ZSWIM6: variants seen among roughly 807,000 people sequenced by gnomAD.
ZSWIM6 encodes the protein zinc finger SWIM-type containing 6, also known as zinc finger SWIM domain-containing protein 6.
Under a neutral mutation model 113.2 loss-of-function variants are expected in ZSWIM6, and 9 were observed. That is an observed-to-expected ratio of 0.08 (90% CI 0.05 to 0.14). The LOEUF is 0.14. Ranked by LOEUF, ZSWIM6 falls within the 10% of genes least tolerant of loss-of-function variation. The pLI, the probability that ZSWIM6 is intolerant of heterozygous loss-of-function variation, is 1.00. For synonymous variants in ZSWIM6, 611 were observed against 606.5 expected, an observed-to-expected ratio of 1.01 and a Z score of -0.11; for missense variants, 1,162 against 1,552.2, an observed-to-expected ratio of 0.75 and a Z score of 4.22.
rs1026209659 is a variant in ZSWIM6 at position 61,546,118 on chromosome 5, CTTG to C, written c.*1804_*1806del. 44 of 152,236 alleles carry C rather than the reference CTTG, an allele frequency of 2.9e-4. No individual in the cohort carries two copies. The highest frequency in any genetic ancestry group is 9.9e-4 in the African/African-American group (41 of 41,554). The allele number at this position is 152,236 out of a possible 1,614,324, so 9.4% of individuals were successfully genotyped here. ...TGTAACTAAATCACTGTTTTATAAA[CTTG>C]TTAATGATCAACAATTTTTGTTTTG... On this transcript the variant is annotated 3_prime_UTR_variant, in exon 14 of 14. Transcript: ENST00000252744.
chr5:61,334,409 C>T (rs966309605), intron 1 of ZSWIM6, among the ~76,000 whole-genome samples: 1 of 152,156 alleles, frequency 6.6e-6, no homozygotes, highest in Admixed American at 6.5e-5. Flanking sequence ...AACCCGGCAC[C>T]GAATGAATGG....
intron 1 of ZSWIM6, among the ~76,000 whole-genome samples, chr5:61,343,053 A>G (rs4484384): frequency 0.22 from 33,633 of 152,122 alleles, 3,968 homozygotes; most frequent in South Asian, 0.31. Flanking sequence ...GGTTTTCAAA[A>G]TATATTTGAG....
chr5:61,336,079 A>C (rs1744386239), intron 1 of ZSWIM6, among the ~76,000 whole-genome samples: 1 of 152,100 alleles, frequency 6.6e-6, no homozygotes, highest in Non-Finnish European at 1.5e-5. Context: ...ACTGGGCAAC[A>C]TGGTTAAACC....
chr5:61,357,516 A>G (rs1399746010), intron 1 of ZSWIM6, among the ~76,000 whole-genome samples: 1 of 151,326 alleles, frequency 6.6e-6, no homozygotes, highest in Admixed American at 6.6e-5. Context: ...CTTCCTTCTC[A>G]CCTTCCAGTT....
intron 1 of ZSWIM6, among the ~76,000 whole-genome samples, chr5:61,386,133 C>G (rs78355988): frequency 5.3e-5 from 8 of 152,362 alleles, no homozygotes; most frequent in African/African-American, 1.9e-4. Context: ...AAAAAGCTCT[C>G]CTGCATACAT....
At chr5:61,471,712 T>C (rs1747576502) in intron 1 of ZSWIM6, among the ~76,000 whole-genome samples, 1 of 152,218 alleles carries the variant, frequency 6.6e-6, no homozygotes, top group Non-Finnish European at 1.5e-5. Context: ...GAGAATCTAA[T>C]GCCTGATGAT....
chr5:61,467,942 A>G (rs1747473709), intron 1 of ZSWIM6, among the ~76,000 whole-genome samples: 1 of 152,188 alleles, frequency 6.6e-6, no homozygotes, highest in African/African-American at 2.4e-5. Context: ...AGATTCCAGT[A>G]GCTTAGAAAA....
chr5:61,432,190 C>T (rs940443141), intron 1 of ZSWIM6, among the ~76,000 whole-genome samples: 14 of 152,148 alleles, frequency 9.2e-5, no homozygotes, highest in Admixed American at 9.2e-4. Flanking sequence ...ATTTTGCTTC[C>T]CTCTTCTCTA....
chr5:61,371,047 T>C (rs1745252416), intron 1 of ZSWIM6, among the ~76,000 whole-genome samples: 1 of 152,198 alleles, frequency 6.6e-6, no homozygotes, highest in Non-Finnish European at 1.5e-5. Flanking sequence ...AACTGTCAGG[T>C]CTGCACCTGG....
intron 1 of ZSWIM6, among the ~76,000 whole-genome samples, chr5:61,348,757 T>C (rs1195446333): frequency 6.6e-6 from 1 of 152,232 alleles, no homozygotes; most frequent in Non-Finnish European, 1.5e-5. Flanking sequence ...TTCTATGTCT[T>C]AGATTCATAC....
intron 1 of ZSWIM6, 61 bp downstream of exon 1, chr5:61,333,009 G>GGCC: frequency 6.8e-6 from 3 of 439,888 alleles, no homozygotes; most frequent in Non-Finnish European, 9.6e-6. Context: ...TGGGGGGGGG[G>GGCC]TGCCCGCCTT....
rs546202796 is a variant in ZSWIM6, at chr5:61,426,627, T to C, written c.677-46054T>C. Among the ~76,000 whole-genome samples the C allele has an allele frequency of 1.2e-4, 18 of 152,268 alleles. No homozygotes were observed. The East Asian group carries it at 3.5e-3, about 29-fold the overall frequency. On this transcript the variant is annotated intron_variant, in intron 1 of 13. Transcript: ENST00000252744. ...ATGGGATTTTTTTTTTCCTTCACAG[T>C]AACAGGATCCATTCTAGATCCAGTT...
chr5:61,343,525 T>C (rs1054928699), intron 1 of ZSWIM6, among the ~76,000 whole-genome samples: 3 of 152,218 alleles, frequency 2.0e-5, no homozygotes, highest in African/African-American at 7.2e-5. Flanking sequence ...TGATAAATGT[T>C]TGCTGATAGT....
At chr5:61,532,254 C>T (rs972651448) in intron 9 of ZSWIM6, among the ~76,000 whole-genome samples, 1 of 152,186 alleles carries the variant, frequency 6.6e-6, no homozygotes, top group Non-Finnish European at 1.5e-5. Context: ...ATTCATTAGG[C>T]ACAGATTCAT....
intron 1 of ZSWIM6, among the ~76,000 whole-genome samples, chr5:61,413,200 G>A (rs1402890370): frequency 1.7e-5 from 2 of 120,784 alleles, no homozygotes; most frequent in African/African-American, 3.3e-5. Flanking sequence ...AGTCCCCAGA[G>A]TGTGATGTTC....
At chr5:61,362,340 G>T (rs1034859171) in intron 1 of ZSWIM6, among the ~76,000 whole-genome samples, 2 of 151,924 alleles carry the variant, frequency 1.3e-5, no homozygotes, top group African/African-American at 2.4e-5. Flanking sequence ...CTGGAATTAC[G>T]GGTGTGCGCC....
chr5:61,424,050 C>G (rs190855235), intron 1 of ZSWIM6, among the ~76,000 whole-genome samples: 2 of 152,276 alleles, frequency 1.3e-5, no homozygotes, highest in African/African-American at 4.8e-5. Flanking sequence ...AGCAAGGATG[C>G]CTCTGAGTTG....
At chr5:61,413,437 C>G (rs1032702784) in intron 1 of ZSWIM6, among the ~76,000 whole-genome samples, 8 of 151,990 alleles carry the variant, frequency 5.3e-5, no homozygotes, top group South Asian at 4.2e-4. Flanking sequence ...GGACATTTGG[C>G]TTGGTTCCAA....
chr5:61,471,531 T>TC, intron 1 of ZSWIM6, among the ~76,000 whole-genome samples: 1 of 152,266 alleles, frequency 6.6e-6, no homozygotes, highest in Non-Finnish European at 1.5e-5. Flanking sequence ...GGTGAGTGCC[T>TC]CATGTGTGGA....
Sources: gnomAD v4.1 joint callset for allele counts (sites outside exome capture counted in the v4.1 genomes callset) on GRCh38, gnomAD v4.1.1 for gene constraint, MANE v1.5 for transcripts, NCBI Gene and HGNC (gene_info 2026-07-23, HGNC 2026-07-21) for gene names.